The following KTN1 variants were observed in gnomAD, a reference collection of about 807,000 sequenced individuals.
The protein encoded by KTN1 is kinectin 1, also known as kinectin.
A neutral mutation model predicts 222.5 loss-of-function variants in KTN1; 130 were observed. The ratio of observed to expected loss-of-function variants is 0.58; its 90% CI spans 0.51 to 0.68. The LOEUF (loss-of-function observed/expected upper bound fraction) is 0.68. Among genes scored for constraint, KTN1 ranks in the 30% least tolerant of loss-of-function variants. KTN1 has a pLI of 0.00. For missense variants in KTN1, 1,508 were observed against 1,500.4 expected (o/e 1.01, Z -0.08); for synonymous variants, 512 against 496.3 (o/e 1.03, Z -0.42).
intron 32 of KTN1, 145 bp from the exon 33 acceptor site, chr14:55,663,810 T>C: frequency 1.7e-6 from 1 of 573,352 alleles, no homozygotes; most frequent in East Asian, 2.9e-5. Flanking sequence ...TTGCTTTTTA[T>C]TTTTTTGCTA....
intron 18 of KTN1, chr14:55,644,484 A>G (rs1436227498): frequency 4.4e-6 from 3 of 687,762 alleles, no homozygotes; most frequent in Middle Eastern, 2.3e-4. Flanking sequence ...GGAAGGCTGC[A>G]TTTGGATTTA....
intron 43 of KTN1, chr14:55,681,091 A>C (rs2046324849): frequency 5.2e-6 from 1 of 192,186 alleles, no homozygotes; most frequent in African/African-American, 2.4e-5. Context: ...TTCTTAAGAA[A>C]ATACTCTCTA....
intron 33 of KTN1, among the ~76,000 whole-genome samples, chr14:55,666,663 C>T (rs1244066903): frequency 1.3e-5 from 2 of 151,806 alleles, no homozygotes; most frequent in African/African-American, 4.8e-5. Flanking sequence ...AAGTAATATG[C>T]CATCAGTTGC....
intron 20 of KTN1, among the ~76,000 whole-genome samples, chr14:55,648,365 A>G (rs2042605792): frequency 6.6e-6 from 1 of 152,234 alleles, no homozygotes; most frequent in Admixed American, 6.5e-5. Flanking sequence ...AATTATAACC[A>G]AATGATAACT....
chr14:55,651,088 T>G (rs1306850181), intron 24 of KTN1, among the ~76,000 whole-genome samples: 2 of 152,198 alleles, frequency 1.3e-5, no homozygotes, highest in African/African-American at 4.8e-5. Context: ...TTTAATCTGA[T>G]AAGGCTTTCT....
intron 1 of KTN1, among the ~76,000 whole-genome samples, chr14:55,592,919 TTTCTC>T (rs1409240301): frequency 6.6e-6 from 1 of 152,174 alleles, no homozygotes; most frequent in Non-Finnish European, 1.5e-5. Flanking sequence ...TATTTTCACT[TTTCTC>T]TTTTGCTAGA....
At chr14:55,619,749 C>G (rs2038882587) in intron 5 of KTN1, among the ~76,000 whole-genome samples, 2 of 152,104 alleles carry the variant, frequency 1.3e-5, no homozygotes, top group South Asian at 4.2e-4. Context: ...CCAGGTCCCT[C>G]CCACAACACA....
At chr14:55,590,365 C>T (rs1214850019) in intron 1 of KTN1, among the ~76,000 whole-genome samples, 1 of 152,144 alleles carries the variant, frequency 6.6e-6, no homozygotes, top group Admixed American at 6.5e-5. Flanking sequence ...GTACCTTTCT[C>T]TCAGCTTTAA....
chr14:55,679,404 A>C (rs1480884423), intron 42 of KTN1, 161 bp from the exon 43 acceptor site: 1 of 586,382 alleles, frequency 1.7e-6, no homozygotes, highest in Non-Finnish European at 2.9e-6. Context: ...GTTAGCAAAC[A>C]GTATTTCTCT....
intron 43 of KTN1, chr14:55,681,723 G>A (rs533389711): frequency 1.3e-5 from 2 of 152,240 alleles, no homozygotes; most frequent in East Asian, 1.9e-4. Flanking sequence ...ATGAATGATA[G>A]GCTGGATTGT....
chr14:55,639,352 G>C (rs1414166921), intron 13 of KTN1, 130 bp downstream of exon 13: 2 of 473,170 alleles, frequency 4.2e-6, no homozygotes, highest in East Asian at 3.4e-5. Context: ...TAGATTTGGA[G>C]CAACTTTTGC....
At chr14:55,598,153 C>T (rs1272497704) in intron 1 of KTN1, among the ~76,000 whole-genome samples, 5 of 151,858 alleles carry the variant, frequency 3.3e-5, no homozygotes, top group South Asian at 2.1e-4. Flanking sequence ...ATTGCTTTCT[C>T]GGCAGGGCGC....
At chr14:55,630,194 C>T in intron 7 of KTN1, 97 bp downstream of exon 7, 3 of 1,054,254 alleles carry the variant, frequency 2.8e-6, no homozygotes, top group Middle Eastern at 2.2e-4. Flanking sequence ...TTTCTTGGGC[C>T]ATCAACATAC....
chr14:55,587,261 A>G (rs550118882), intron 1 of KTN1, among the ~76,000 whole-genome samples: 2 of 152,296 alleles, frequency 1.3e-5, no homozygotes, highest in East Asian at 1.9e-4. Context: ...GGTATTTGGT[A>G]TGCCATATAA....
chr14:55,593,167 G>A (rs1242269223), intron 1 of KTN1, among the ~76,000 whole-genome samples: 2 of 151,590 alleles, frequency 1.3e-5, no homozygotes, highest in Non-Finnish European at 2.9e-5. Context: ...CTCTTTGTTT[G>A]GCAACCCTTT....
intron 5 of KTN1, among the ~76,000 whole-genome samples, chr14:55,621,744 A>T (rs1036434214): frequency 2.6e-5 from 4 of 152,140 alleles, no homozygotes; most frequent in African/African-American, 7.2e-5. Context: ...AAACCATATC[A>T]TATATTCACA....
rs1023877958 is a variant in KTN1, at chr14:55,629,931, T to G, written c.1081-26T>G. The G allele has an allele frequency of 3.4e-6, 5 of 1,477,878 alleles. No individual in the cohort carries two copies. In the African/African-American group the frequency reaches 4.2e-5, roughly 12 times the overall value. The allele number at this position is 1,477,878 out of a possible 1,614,324, so 91.5% of individuals were successfully genotyped here. ...TATGATACTTATTAAATAACAAGTT[T>G]TTAAATTTCTGGGATATTCTTTTAG... is the stretch of plus-strand genomic sequence containing the variant. On this transcript the variant is annotated intron_variant, in intron 6 of 43. Coordinates refer to ENST00000395314, the MANE Select transcript of KTN1 (RefSeq NM_001079521.2).
chr14:55,660,208 C>G (rs374063570), intron 31 of KTN1, among the ~76,000 whole-genome samples: 1 of 151,936 alleles, frequency 6.6e-6, no homozygotes, highest in African/African-American at 2.4e-5. Flanking sequence ...AGTCAGACCT[C>G]GTCTCTACGA....
rs1595362233 is a variant in KTN1, at chr14:55,682,211, T to A, written c.4070-1888T>A. The stretch of plus-strand genomic sequence containing the variant: ...AGCTGTAGGGGTAGGTGTATTTAAC[T>A]GATATCTTTAATTTGTGAAAACTTT... On this transcript the variant is annotated intron_variant, in intron 43 of 43. Coordinates refer to ENST00000395314, the MANE Select transcript of KTN1 (RefSeq NM_001079521.2). 4 of 152,258 alleles carry A rather than the reference T, an allele frequency of 2.6e-5. 1 individual carries two copies. The Middle Eastern group carries it at 0.014, about 518-fold the overall frequency. The allele number at this position is 152,258 out of a possible 1,614,324, so 9.4% of individuals were successfully genotyped here.
Sources: allele counts gnomAD v4.1 joint callset (sites outside exome capture counted in the v4.1 genomes callset), GRCh38; gene constraint gnomAD v4.1.1; transcripts MANE v1.5; gene names NCBI Gene and HGNC (gene_info 2026-07-23, HGNC 2026-07-21).